Variants in MAN1C1 observed in about 807,000 individuals in gnomAD.
MAN1C1 encodes the protein mannosidase alpha class 1C member 1.
In MAN1C1, 49 loss-of-function variants were observed where a neutral mutation model predicts 71.5. The ratio of observed to expected loss-of-function variants is 0.69; its 90% CI spans 0.54 to 0.87. The LOEUF is 0.87. Ranked by LOEUF, MAN1C1 falls within the 40% of genes least tolerant of loss-of-function variation. The pLI is 0.00. For missense variants in MAN1C1, 743 were observed against 835.0 expected (o/e 0.89, Z 1.36); for synonymous variants, 352 against 343.7 (o/e 1.02, Z -0.27).
rs150062943 is a variant in MAN1C1, at chr1:25,729,800, G to A, written c.638-16868G>A. Among the ~76,000 whole-genome samples, 827 of 151,964 alleles carry A rather than the reference G, an allele frequency of 5.4e-3. 6 individuals are homozygous for A. The highest frequency in any genetic ancestry group is 0.018 in the African/African-American group (766 of 41,454). ...GTTGGGATTACAGGCATGAGCCCCCGTGCCTGGCCAGGCATCCCATTTTCT... is the reference window on the plus strand; with the variant it reads ...GTTGGGATTACAGGCATGAGCCCCCATGCCTGGCCAGGCATCCCATTTTCT... On this transcript the variant is annotated intron_variant, in intron 2 of 11. Transcript: ENST00000374332.
rs967533522 is a variant in MAN1C1, at chr1:25,769,027, C to G, written c.1142-2630C>G. 4.1e-5 allele frequency among the ~76,000 whole-genome samples: 6 copies of G among 146,842 alleles called. No homozygotes were observed. The highest frequency in any genetic ancestry group is 1.5e-4 in the African/African-American group (6 of 39,708). The stretch of plus-strand genomic sequence containing the variant: ...TACACACTCCCCTCAGGCACACACA[C>G]TACACACCACCCACACTCCCACACA... On this transcript the variant is annotated intron_variant, in intron 7 of 11. Coordinates refer to ENST00000374332, the MANE Select transcript of MAN1C1 (RefSeq NM_020379.4). The surrounding 1 kb of genome is among the most constrained non-coding windows in gnomAD (Gnocchi z 4.8).
At chr1:25,736,667 C>A (rs1178378359) in intron 2 of MAN1C1, among the ~76,000 whole-genome samples, 1 of 152,210 alleles carries the variant, frequency 6.6e-6, no homozygotes, top group African/African-American at 2.4e-5. Flanking sequence ...GCTGGGGCCA[C>A]AGGCACATGC....
chr1:25,754,764 C>T (rs755860492), intron 5 of MAN1C1, among the ~76,000 whole-genome samples: 18 of 152,192 alleles, frequency 1.2e-4, no homozygotes, highest in Non-Finnish European at 2.5e-4. Flanking sequence ...CTTCTGTCCC[C>T]AGCCCTTCCC....
At chr1:25,754,885 A>G (rs770862744) in intron 5 of MAN1C1, among the ~76,000 whole-genome samples, 4 of 152,192 alleles carry the variant, frequency 2.6e-5, no homozygotes, top group Non-Finnish European at 5.9e-5. Flanking sequence ...GTGCGCATGT[A>G]CATTCATGTA....
chr1:25,657,640 GT>G (rs1293027190), intron 1 of MAN1C1, among the ~76,000 whole-genome samples: 3 of 152,208 alleles, frequency 2.0e-5, no homozygotes, highest in Non-Finnish European at 4.4e-5. Context: ...CCATTTGGGG[GT>G]TTGGGGGCTG....
At chr1:25,660,459 C>G (rs1196789868) in intron 1 of MAN1C1, among the ~76,000 whole-genome samples, 1 of 125,700 alleles carries the variant, frequency 8.0e-6, no homozygotes, top group Non-Finnish European at 1.6e-5. Flanking sequence ...GTGGTGCCAT[C>G]TCGGCTCACT....
Position 25,724,876 on chromosome 1 carries a change from C to G in MAN1C1, c.638-21792C>G, listed in dbSNP as rs375704162. On this transcript the variant is annotated intron_variant, in intron 2 of 11. Coordinates refer to ENST00000374332, the MANE Select transcript of MAN1C1 (RefSeq NM_020379.4). Reference sequence around the variant, plus strand: ...TCTCTAAAACAATCAGACATGATCTCTCTGATAGAGTAGTACACTCTCCAG... The same window carrying G: ...TCTCTAAAACAATCAGACATGATCTGTCTGATAGAGTAGTACACTCTCCAG... Among the ~76,000 whole-genome samples the G allele has an allele frequency of 3.2e-4, 48 of 152,292 alleles. 1 individual carries two copies. The highest frequency in any genetic ancestry group is 1.2e-3 in the African/African-American group (48 of 41,560).
chr1:25,668,547 T>TTTTCCTTC lies in MAN1C1; in HGVS notation c.541-17889_541-17888insCTTCTTTC. On this transcript the variant is annotated intron_variant, in intron 1 of 11. Transcript: ENST00000374332. ...CTGGGTTTGAATCCAAGCCTTCTACTTTTCTTTCTTTCTTTTTTTTTTTTT... is the reference window on the plus strand; with the variant it reads ...CTGGGTTTGAATCCAAGCCTTCTACTTTTCCTTCTTTCTTTCTTTCTTTTTTTTTTTTT... Among the ~76,000 whole-genome samples the TTTTCCTTC allele has an allele frequency of 1.4e-5, 2 of 146,352 alleles. 1 individual carries two copies. Among genetic ancestry groups the TTTTCCTTC allele is most frequent in the Admixed American group, 1.4e-4 (2 of 14,588 alleles).
At chr1:25,767,692 CCACACTCCCCTCACACATACATTA>C (rs1292393572) in intron 7 of MAN1C1, among the ~76,000 whole-genome samples, 2 of 85,308 alleles carry the variant, frequency 2.3e-5, no homozygotes, top group East Asian at 3.5e-4. Flanking sequence ...TTACATACAT[CCACACTCCCCTCACACATACATTA>C]CACACTCCCC....
At chr1:25,751,144 C>A (rs1383671460) in intron 4 of MAN1C1, among the ~76,000 whole-genome samples, 1 of 149,948 alleles carries the variant, frequency 6.7e-6, no homozygotes, top group Admixed American at 6.7e-5. Flanking sequence ...TCCCTTCGTT[C>A]ATCTTTCCTT....
intron 1 of MAN1C1, among the ~76,000 whole-genome samples, chr1:25,641,581 C>T (rs1233407469): frequency 6.6e-6 from 1 of 152,194 alleles, no homozygotes; most frequent in East Asian, 1.9e-4. Flanking sequence ...ATACTGATGC[C>T]TGAGTTCCTC....
At chr1:25,713,768 A>G (rs1034234859) in intron 2 of MAN1C1, among the ~76,000 whole-genome samples, 2 of 152,162 alleles carry the variant, frequency 1.3e-5, no homozygotes, top group African/African-American at 2.4e-5. Context: ...AGGTGATCAG[A>G]GGGCCATGGA....
At chr1:25,635,853 C>T (rs1371197215) in intron 1 of MAN1C1, among the ~76,000 whole-genome samples, 3 of 152,170 alleles carry the variant, frequency 2.0e-5, no homozygotes, top group African/African-American at 7.2e-5. Flanking sequence ...TTTAGCTCGG[C>T]TACTGGGGGA....
intron 6 of MAN1C1, among the ~76,000 whole-genome samples, chr1:25,762,383 A>C (rs142859328): frequency 6.6e-6 from 1 of 151,744 alleles, no homozygotes; most frequent in Non-Finnish European, 1.5e-5. Flanking sequence ...TCAGCCTCCC[A>C]AAGTGCTGGG....
At position 25,778,443 on chromosome 1, in the gene MAN1C1, A is replaced by G; in HGVS notation, c.1477+119A>G. ...TGGCCTTAGGGAAGCCTCCCCTTGG[A>G]AGTTAAGTAGAATTTGAGAGAGGTA... is the stretch of plus-strand genomic sequence containing the variant. On this transcript the variant is annotated intron_variant, in intron 9 of 11. Coordinates refer to ENST00000374332, the MANE Select transcript of MAN1C1 (RefSeq NM_020379.4). The surrounding 1 kb of genome is among the most constrained non-coding windows in gnomAD (Gnocchi z 5.5). The G allele has an allele frequency of 1.0e-6, 1 of 993,140 alleles. No individual in the cohort carries two copies. The highest frequency in any genetic ancestry group is 1.5e-6 in the Non-Finnish European group (1 of 683,530). 61.5% of individuals were successfully genotyped at this position (993,140 alleles called of 1,614,324 possible).
chr1:25,779,109 C>T lies in MAN1C1; in HGVS notation c.1477+785C>T, dbSNP rs1029324359. 7.9e-5 allele frequency among the ~76,000 whole-genome samples: 12 copies of T among 152,304 alleles called. No individual in the cohort carries two copies. The highest frequency in any genetic ancestry group is 2.2e-4 in the African/African-American group (9 of 41,580). On this transcript the variant is annotated intron_variant, in intron 9 of 11. Coordinates refer to ENST00000374332, the MANE Select transcript of MAN1C1 (RefSeq NM_020379.4). The surrounding 1 kb of genome is among the most constrained non-coding windows in gnomAD (Gnocchi z 4.6). ...CCGTGTGGTCCCAGGAGACGCCCACCGCTCTGAGTGGTAATCCCAGTGTTG... is the reference window on the plus strand; with the variant it reads ...CCGTGTGGTCCCAGGAGACGCCCACTGCTCTGAGTGGTAATCCCAGTGTTG...
intron 9 of MAN1C1, chr1:25,780,723 TC>T: frequency 1.9e-6 from 1 of 521,706 alleles, no homozygotes; most frequent in Non-Finnish European, 3.4e-6. Flanking sequence ...ACATTTCCAG[TC>T]CCCGAGGGTC....
At chr1:25,655,929 G>A (rs1428019952) in intron 1 of MAN1C1, among the ~76,000 whole-genome samples, 2 of 151,928 alleles carry the variant, frequency 1.3e-5, no homozygotes, top group East Asian at 3.9e-4. Context: ...CTGTGGGTCG[G>A]GGAGAGAGTG....
chr1:25,710,583 G>A (rs1044861873), intron 2 of MAN1C1, among the ~76,000 whole-genome samples: 2 of 152,162 alleles, frequency 1.3e-5, no homozygotes, highest in Non-Finnish European at 2.9e-5. Flanking sequence ...TTTACAGAGT[G>A]GGGAAAGGCT....
Sources: allele counts gnomAD v4.1 joint callset (sites outside exome capture counted in the v4.1 genomes callset), GRCh38; gene constraint gnomAD v4.1.1; non-coding constraint Gnocchi (gnomAD v3.1); transcripts MANE v1.5; gene names NCBI Gene and HGNC (gene_info 2026-07-23, HGNC 2026-07-21).